The following BTRC variants were observed in gnomAD, a reference collection of about 807,000 sequenced individuals.
BTRC encodes beta-transducin repeat containing E3 ubiquitin protein ligase.
A neutral mutation model predicts 85.5 loss-of-function variants in BTRC; 42 were observed. The ratio of observed to expected loss-of-function variants is 0.49; its 90% CI spans 0.38 to 0.64. The LOEUF (loss-of-function observed/expected upper bound fraction) is 0.64. BTRC is among the 30% of genes least tolerant of loss of function. BTRC has a pLI of 0.00. For missense variants in BTRC, 594 were observed against 743.5 expected, an observed-to-expected ratio of 0.80 and a Z score of 2.34; for synonymous variants, 255 against 263.3, an observed-to-expected ratio of 0.97 and a Z score of 0.30.
intron 4 of BTRC, among the ~76,000 whole-genome samples, chr10:101,502,952 T>C (rs1474227095): frequency 6.6e-6 from 1 of 152,190 alleles, no homozygotes; most frequent in East Asian, 1.9e-4. Flanking sequence ...TCACAACTTA[T>C]GCCCTTACTA....
intron 13 of BTRC, among the ~76,000 whole-genome samples, chr10:101,545,068 A>G (rs2062538885): frequency 6.6e-6 from 1 of 152,060 alleles, no homozygotes; most frequent in African/African-American, 2.4e-5. Context: ...AAAAAAGAAA[A>G]AAAGCTAGAT....
intron 4 of BTRC, among the ~76,000 whole-genome samples, chr10:101,489,342 C>T (rs1042813817): frequency 5.9e-5 from 9 of 152,056 alleles, no homozygotes; most frequent in Non-Finnish European, 1.2e-4. Context: ...TATTTAAAGT[C>T]CACTTGTTAT....
chr10:101,418,936 TGTCTC>T (rs1252773368), intron 1 of BTRC, among the ~76,000 whole-genome samples: 1 of 152,142 alleles, frequency 6.6e-6, no homozygotes, highest in African/African-American at 2.4e-5. Context: ...GTAAAATGCT[TGTCTC>T]AATCAAGCTA....
chr10:101,481,573 A>T (rs67995987), intron 4 of BTRC, among the ~76,000 whole-genome samples: 55,447 of 149,148 alleles, frequency 0.37, 11,272 homozygotes, highest in Middle Eastern at 0.48. Context: ...TTTTTTTTTT[A>T]ATTGTTTTTT....
intron 4 of BTRC, among the ~76,000 whole-genome samples, chr10:101,487,009 T>G (rs1305073804): frequency 6.6e-6 from 1 of 152,218 alleles, no homozygotes; most frequent in Non-Finnish European, 1.5e-5. Context: ...AAACATTACA[T>G]TTTATAAGAA....
At chr10:101,474,865 T>G (rs1223653636) in intron 3 of BTRC, among the ~76,000 whole-genome samples, 1 of 152,212 alleles carries the variant, frequency 6.6e-6, no homozygotes, top group Non-Finnish European at 1.5e-5. Context: ...TCCAGTGCCT[T>G]TATGTAGCTT....
At chr10:101,534,959 A>T (rs1162962589) in intron 10 of BTRC, 49 bp downstream of exon 10, 2 of 1,583,544 alleles carry the variant, frequency 1.3e-6, no homozygotes, top group African/African-American at 1.3e-5. Context: ...GGGGGAATTC[A>T]TATGAAAATT....
chr10:101,533,398 C>G (rs1043447997), intron 9 of BTRC, among the ~76,000 whole-genome samples: 2 of 152,188 alleles, frequency 1.3e-5, no homozygotes, highest in African/African-American at 2.4e-5. Context: ...TGCAATGAAG[C>G]CTTCCTTTCA....
chr10:101,401,837 CAA>C (rs766212284), intron 1 of BTRC, among the ~76,000 whole-genome samples: 13 of 52,150 alleles, frequency 2.5e-4, no homozygotes, highest in Admixed American at 2.2e-4. Flanking sequence ...GACCTCATCT[CAA>C]AAAAAAAAAA....
At chr10:101,509,169 T>TA in intron 4 of BTRC, among the ~76,000 whole-genome samples, 1 of 151,460 alleles carries the variant, frequency 6.6e-6, no homozygotes, top group East Asian at 1.9e-4. Context: ...TGTGCTTACT[T>TA]ATCTCTTTCC....
intron 1 of BTRC, among the ~76,000 whole-genome samples, chr10:101,408,148 A>T (rs1216680951): frequency 1.3e-5 from 2 of 152,224 alleles, no homozygotes. Context: ...ACTAGCCACC[A>T]TTCAAGTGCT....
chr10:101,512,003 T>C (rs1379715937), intron 4 of BTRC, among the ~76,000 whole-genome samples: 1 of 152,236 alleles, frequency 6.6e-6, no homozygotes, highest in Non-Finnish European at 1.5e-5. Context: ...CTTACTGGTT[T>C]GTGAAATTAA....
chr10:101,458,884 A>G (rs954000219), intron 2 of BTRC, among the ~76,000 whole-genome samples: 4 of 152,182 alleles, frequency 2.6e-5, no homozygotes, highest in Non-Finnish European at 2.9e-5. Context: ...GTAACTATCA[A>G]GTATCTTATA....
intron 2 of BTRC, among the ~76,000 whole-genome samples, chr10:101,438,546 C>T (rs1264230737): frequency 1.4e-5 from 2 of 146,992 alleles, no homozygotes; most frequent in African/African-American, 5.0e-5. Flanking sequence ...TTAGTAAGTA[C>T]AAAACTTTTG....
Position 101,532,348 on chromosome 10 carries a change from C to T in BTRC, c.894C>T (p.Cys298=). 1 of 1,613,454 alleles carries T rather than the reference C, an allele frequency of 6.2e-7. No homozygotes were observed. Among genetic ancestry groups the T allele is most frequent in the East Asian group, 2.2e-5 (1 of 44,846 alleles). Residue 298 remains cysteine (C), a synonymous_variant, in exon 8 of 15, where the codon TGC becomes TGT. Coordinates refer to ENST00000370187, the MANE Select transcript of BTRC (RefSeq NM_033637.4). ...GACATAGTTTACAGAGAATTCACTG[C>T]CGAAGTGAAACAAGCAAAGGAGTTT... ...CGRHSLQRIH[C]RSETSKGVYC... is the part of the protein sequence containing the mutation.
chr10:101,462,902 C>G (rs1289621521), intron 3 of BTRC, among the ~76,000 whole-genome samples: 1 of 151,900 alleles, frequency 6.6e-6, no homozygotes, highest in African/African-American at 2.4e-5. Flanking sequence ...AAGCCTCACT[C>G]TGTCGCCCAG....
intron 2 of BTRC, among the ~76,000 whole-genome samples, chr10:101,460,759 T>C (rs1002285351): frequency 3.9e-5 from 6 of 152,200 alleles, no homozygotes; most frequent in African/African-American, 1.2e-4. Flanking sequence ...CAGTAATGAT[T>C]GTATATTAAT....
intron 1 of BTRC, among the ~76,000 whole-genome samples, chr10:101,366,766 T>TTTTA (rs1432526428): frequency 7.9e-5 from 4 of 50,910 alleles, no homozygotes; most frequent in East Asian, 4.9e-4. Context: ...CTTAATCTAG[T>TTTTA]TATATATATA....
chr10:101,402,135 G>A (rs1465950823), intron 1 of BTRC, among the ~76,000 whole-genome samples: 3 of 152,110 alleles, frequency 2.0e-5, no homozygotes, highest in Non-Finnish European at 4.4e-5. Flanking sequence ...TTTTAAGGCT[G>A]TATGCTAGTC....
Sources: gnomAD v4.1 joint callset for allele counts (sites outside exome capture counted in the v4.1 genomes callset) on GRCh38, gnomAD v4.1.1 for gene constraint, MANE v1.5 for transcripts, NCBI Gene and HGNC (gene_info 2026-07-23, HGNC 2026-07-21) for gene names.